Variants in GALNT17 observed in about 807,000 individuals in gnomAD.
GALNT17 encodes the protein UDP-GalNAc:polypeptide N-acetylgalactosaminyltransferase-like 3.
In GALNT17, 29 loss-of-function variants were observed where a neutral mutation model predicts 63.7. That is an observed-to-expected ratio of 0.46 (90% CI 0.34 to 0.62). The LOEUF is 0.62. Among genes scored for constraint, GALNT17 ranks in the 20% least tolerant of loss-of-function variants. GALNT17 has a pLI of 0.01. For synonymous variants in GALNT17, 305 were observed against 318.3 expected (o/e 0.96, Z 0.45); for missense variants, 603 against 799.6 (o/e 0.75, Z 2.97).
intron 6 of GALNT17, among the ~76,000 whole-genome samples, chr7:71,654,503 C>A (rs184863278): frequency 7.2e-5 from 11 of 152,316 alleles, no homozygotes; most frequent in Admixed American, 2.0e-4. Flanking sequence ...TAGTGGTGTA[C>A]CTACTTCCCC....
At chr7:71,655,148 G>A (rs113316706) in intron 6 of GALNT17, among the ~76,000 whole-genome samples, 1,785 of 152,200 alleles carry the variant, frequency 0.012, 48 homozygotes, top group African/African-American at 0.041. Flanking sequence ...CCAGCTACTC[G>A]GGAGGCTGGG....
chr7:71,273,330 G>A (rs1291740268), intron 1 of GALNT17, among the ~76,000 whole-genome samples: 2 of 152,166 alleles, frequency 1.3e-5, no homozygotes, highest in African/African-American at 2.4e-5. Context: ...TATATAGTTT[G>A]TGGATTACTC....
chr7:71,660,717 G>GCTAT (rs1398744734), intron 6 of GALNT17, among the ~76,000 whole-genome samples: 4 of 152,196 alleles, frequency 2.6e-5, no homozygotes, highest in Non-Finnish European at 4.4e-5. Context: ...CCCTCCATAG[G>GCTAT]GGACTTAGCT....
At chr7:71,290,834 C>G (rs565858367) in intron 1 of GALNT17, among the ~76,000 whole-genome samples, 1 of 152,078 alleles carries the variant, frequency 6.6e-6, no homozygotes, top group Non-Finnish European at 1.5e-5. Flanking sequence ...TTATAAAAGG[C>G]GGTAATTGGA....
At chr7:71,646,733 G>A (rs1251836649) in intron 6 of GALNT17, among the ~76,000 whole-genome samples, 3 of 143,744 alleles carry the variant, frequency 2.1e-5, no homozygotes, top group South Asian at 2.2e-4. Context: ...TCCCAAAAGG[G>A]GCATCCAAGT....
At chr7:71,491,968 T>A (rs1563133126) in intron 5 of GALNT17, among the ~76,000 whole-genome samples, 1 of 151,916 alleles carries the variant, frequency 6.6e-6, no homozygotes, top group Non-Finnish European at 1.5e-5. Context: ...CCAGCCTGGG[T>A]AACATGGCGA....
chr7:71,626,441 T>A (rs922607565), intron 6 of GALNT17, among the ~76,000 whole-genome samples: 1 of 152,202 alleles, frequency 6.6e-6, no homozygotes, highest in Non-Finnish European at 1.5e-5. Context: ...TTTGGGACTT[T>A]GCTATGGCAG....
intron 6 of GALNT17, among the ~76,000 whole-genome samples, chr7:71,590,079 T>C (rs576351639): frequency 6.6e-6 from 1 of 152,324 alleles, no homozygotes; most frequent in African/African-American, 2.4e-5. Context: ...TATAGAGAAC[T>C]GTAGTTATGT....
intron 1 of GALNT17, among the ~76,000 whole-genome samples, chr7:71,203,260 C>T (rs555833310): frequency 3.3e-5 from 5 of 152,290 alleles, no homozygotes; most frequent in African/African-American, 1.2e-4. Context: ...TTTTCCATTT[C>T]CACCAACAGC....
At chr7:71,659,157 A>G (rs1790870176) in intron 6 of GALNT17, among the ~76,000 whole-genome samples, 1 of 151,906 alleles carries the variant, frequency 6.6e-6, no homozygotes, top group Non-Finnish European at 1.5e-5. Flanking sequence ...CCTCTCCAAT[A>G]TTTTCCACTA....
chr7:71,186,804 C>T (rs1788858883), intron 1 of GALNT17, among the ~76,000 whole-genome samples: 1 of 152,228 alleles, frequency 6.6e-6, no homozygotes, highest in African/African-American at 2.4e-5. Context: ...CATGTACATC[C>T]AGACTGGTGC....
chr7:71,431,636 G>C (rs1369509527), intron 5 of GALNT17, among the ~76,000 whole-genome samples: 1 of 152,128 alleles, frequency 6.6e-6, no homozygotes, highest in African/African-American at 2.4e-5. Context: ...CCCAGAGTCT[G>C]TGTTCTTACC....
chr7:71,166,445 G>A (rs1246695934), intron 1 of GALNT17, among the ~76,000 whole-genome samples: 1 of 152,176 alleles, frequency 6.6e-6, no homozygotes, highest in Admixed American at 6.6e-5. Context: ...GCATGATCAA[G>A]ATAGTGACGC....
At chr7:71,143,491 TGGCA>T (rs1787956269) in intron 1 of GALNT17, among the ~76,000 whole-genome samples, 1 of 151,676 alleles carries the variant, frequency 6.6e-6, no homozygotes, top group East Asian at 1.9e-4. Flanking sequence ...GCGGGATTCC[TGGCA>T]AGGGAATGGC....
chr7:71,458,445 A>G (rs1457044983), intron 5 of GALNT17, among the ~76,000 whole-genome samples: 1 of 152,176 alleles, frequency 6.6e-6, no homozygotes, highest in Non-Finnish European at 1.5e-5. Flanking sequence ...GTGGCTGCCA[A>G]AGCCCTATTG....
chr7:71,165,169 G>A (rs1049298245), intron 1 of GALNT17, among the ~76,000 whole-genome samples: 1 of 152,164 alleles, frequency 6.6e-6, no homozygotes, highest in African/African-American at 2.4e-5. Flanking sequence ...ATAACAGAAA[G>A]CCTAACAGAA....
At chr7:71,471,469 G>T (rs1474521576) in intron 5 of GALNT17, among the ~76,000 whole-genome samples, 1 of 148,698 alleles carries the variant, frequency 6.7e-6, no homozygotes, top group Non-Finnish European at 1.5e-5. Context: ...GTGTAAAATA[G>T]ATTCTATAGG....
intron 1 of GALNT17, among the ~76,000 whole-genome samples, chr7:71,190,050 A>G (rs1464053270): frequency 2.0e-5 from 3 of 152,006 alleles, no homozygotes; most frequent in African/African-American, 7.2e-5. Flanking sequence ...TGACCTTGTG[A>G]TCTGCCCACC....
intron 6 of GALNT17, among the ~76,000 whole-genome samples, chr7:71,660,325 C>T (rs1361266993): frequency 6.6e-6 from 1 of 152,156 alleles, no homozygotes; most frequent in Non-Finnish European, 1.5e-5. Context: ...CTCCTCCTGG[C>T]CCATTCCAAC....
Sources: allele counts gnomAD v4.1 joint callset (sites outside exome capture counted in the v4.1 genomes callset), GRCh38; gene constraint gnomAD v4.1.1; transcripts MANE v1.5; gene names NCBI Gene and HGNC (gene_info 2026-07-23, HGNC 2026-07-21).